The following MALRD1 variants were observed in gnomAD, a reference collection of about 807,000 sequenced individuals.
MALRD1 encodes MAM and LDL-receptor class A domain-containing protein 1.
In MALRD1, 247 loss-of-function variants were observed where a neutral mutation model predicts 242.1. That is an observed-to-expected ratio of 1.02 (90% confidence interval 0.92 to 1.13). The LOEUF (loss-of-function observed/expected upper bound fraction) is 1.13, where lower values mean the gene tolerates loss of function less well. MALRD1 is among the 50% of genes most tolerant of loss of function. The probability of loss-of-function intolerance (pLI) is 0.00; values close to 1 mark genes in which losing one functional copy is unlikely to be tolerated. For synonymous variants in MALRD1, 995 were observed against 866.6 expected (o/e 1.15, Z -2.60); for missense variants, 2,989 against 2,533.1 (o/e 1.18, Z -3.86).
chr10:19,680,556 A>G (rs1206346371), intron 36 of MALRD1, among the ~76,000 whole-genome samples: 1 of 152,136 alleles, frequency 6.6e-6, no homozygotes, highest in Non-Finnish European at 1.5e-5. Flanking sequence ...GATCTCTTGA[A>G]TGCAGCACAC....
At chr10:19,294,742 C>T (rs947665512) in intron 21 of MALRD1, among the ~76,000 whole-genome samples, 3 of 152,030 alleles carry the variant, frequency 2.0e-5, no homozygotes, top group Non-Finnish European at 4.4e-5. Flanking sequence ...GGGTAAAAAC[C>T]ATACACTGTT....
At chr10:19,397,781 G>A (rs1008106609) in intron 28 of MALRD1, among the ~76,000 whole-genome samples, 1 of 151,986 alleles carries the variant, frequency 6.6e-6, no homozygotes, top group Admixed American at 6.6e-5. Context: ...TGAATTTGAG[G>A]TCTTATCCTA....
At position 19,284,687 on chromosome 10, in the gene MALRD1, T is replaced by C. The variant is rs1246185739; in HGVS notation, c.3419+1506T>C. Among the ~76,000 whole-genome samples, 947 of 123,298 alleles carry C rather than the reference T, an allele frequency of 7.7e-3. 20 individuals carry two copies. The highest frequency in any genetic ancestry group is 9.5e-3 in the Non-Finnish European group (575 of 60,430). 80.9% of individuals were successfully genotyped at this position (123,298 alleles called of 152,430 possible). ...TTGGGTTGGTTCCAAGTCTTTGCTA[T>C]TGTGAATAATGCCGCAATAAACATA... On this transcript the variant is annotated intron_variant, in intron 21 of 39. Transcript: ENST00000454679.
intron 36 of MALRD1, among the ~76,000 whole-genome samples, chr10:19,643,467 T>C (rs1451550998): frequency 2.0e-5 from 3 of 152,106 alleles, no homozygotes; most frequent in African/African-American, 7.2e-5. Context: ...GTTTAAGCAT[T>C]CATGAATAAG....
At chr10:19,096,385 A>G (rs774954956) in intron 4 of MALRD1, among the ~76,000 whole-genome samples, 18 of 152,190 alleles carry the variant, frequency 1.2e-4, no homozygotes, top group Non-Finnish European at 2.5e-4. Context: ...TACGTGTGCA[A>G]TATATTAATT....
Position 19,146,408 on chromosome 10 carries a change from C to T in MALRD1, c.1558+64C>T, listed in dbSNP as rs1015923516. On this transcript the variant is annotated intron_variant, in intron 11 of 39. Transcript: ENST00000454679. ...TCTTGCATGTTGTGGAATGATGATACTGTGTATTTTCATTTCTATTCTGTA... is the reference window on the plus strand; with the variant it reads ...TCTTGCATGTTGTGGAATGATGATATTGTGTATTTTCATTTCTATTCTGTA... The T allele has an allele frequency of 1.2e-5, 14 of 1,177,550 alleles. No individual in the cohort carries two copies. The Admixed American group carries it at 4.2e-4, about 36-fold the overall frequency. 72.9% of individuals were successfully genotyped at this position (1,177,550 alleles called of 1,614,324 possible). A position where few individuals can be genotyped will look rare whatever the true frequency, so the allele number is the denominator to read the frequency against.
intron 28 of MALRD1, among the ~76,000 whole-genome samples, chr10:19,396,554 A>G (rs1016116447): frequency 3.3e-5 from 5 of 152,214 alleles, no homozygotes; most frequent in African/African-American, 1.2e-4. Flanking sequence ...ATGAAGACCC[A>G]TGTCACATAA....
At chr10:19,536,245 T>C (rs1834667707) in intron 32 of MALRD1, among the ~76,000 whole-genome samples, 1 of 152,194 alleles carries the variant, frequency 6.6e-6, no homozygotes, top group Admixed American at 6.5e-5. Context: ...TATTTTGGAT[T>C]GAGTCTCTAA....
At chr10:19,094,249 G>A (rs1338017277) in intron 4 of MALRD1, among the ~76,000 whole-genome samples, 1 of 99,930 alleles carries the variant, frequency 1.0e-5, no homozygotes, top group Non-Finnish European at 2.0e-5. Context: ...GCGAGATTCC[G>A]TGGGCATAGG....
chr10:19,581,455 T>G (rs1324883440), intron 33 of MALRD1, among the ~76,000 whole-genome samples: 2 of 150,284 alleles, frequency 1.3e-5, no homozygotes, highest in Non-Finnish European at 3.0e-5. Flanking sequence ...CACCTATGAA[T>G]GAGAATATGT....
At chr10:19,330,469 G>A (rs559079968) in intron 23 of MALRD1, among the ~76,000 whole-genome samples, 28 of 152,088 alleles carry the variant, frequency 1.8e-4, no homozygotes, top group East Asian at 5.8e-4. Context: ...AACTGTCCTT[G>A]TTAACTCGCC....
At position 19,098,254 on chromosome 10, in the gene MALRD1, G is replaced by C. The variant is rs114854162; in HGVS notation, c.598-5725G>C. Among the ~76,000 whole-genome samples the C allele has an allele frequency of 5.5e-3, 840 of 152,214 alleles. 5 individuals carry two copies. The highest frequency in any genetic ancestry group is 0.019 in the African/African-American group (808 of 41,534). ...AATTTTCACGTTGAATGTCTGGATT[G>C]TTAAACTAAATGAACAATCAGTGCC... On this transcript the variant is annotated intron_variant, in intron 4 of 39. Coordinates refer to ENST00000454679, the MANE Select transcript of MALRD1 (RefSeq NM_001142308.3).
chr10:19,410,806 T>C (rs1054725798), intron 28 of MALRD1, among the ~76,000 whole-genome samples: 7 of 152,082 alleles, frequency 4.6e-5, no homozygotes, highest in African/African-American at 1.7e-4. Flanking sequence ...ATTTAGCTTA[T>C]TGGATAGTGC....
chr10:19,619,128 T>G (rs534666794), intron 36 of MALRD1, among the ~76,000 whole-genome samples: 53 of 152,246 alleles, frequency 3.5e-4, no homozygotes, highest in Non-Finnish European at 5.6e-4. Flanking sequence ...AAGACCAGTT[T>G]TCTGGACAGC....
intron 36 of MALRD1, among the ~76,000 whole-genome samples, chr10:19,649,680 G>T (rs57560290): frequency 0.028 from 4,321 of 152,202 alleles, 182 homozygotes; most frequent in African/African-American, 0.097. Context: ...TTTGTGGGTT[G>T]TCTGTTTACT....
intron 1 of MALRD1, among the ~76,000 whole-genome samples, chr10:19,065,287 C>CAAAAAAAAAAAAAAAAAAAAAAAAAAA (rs1197670439): frequency 4.0e-5 from 2 of 50,624 alleles, no homozygotes; most frequent in Non-Finnish European, 3.3e-5. Flanking sequence ...AACGCTGTCT[C>CAAAAAAAAAAAAAAAAAAAAAAAAAAA]AAAAAAAAAA....
chr10:19,107,009 AC>A (rs1405726529), intron 5 of MALRD1, among the ~76,000 whole-genome samples: 1 of 151,970 alleles, frequency 6.6e-6, no homozygotes, highest in Non-Finnish European at 1.5e-5. Flanking sequence ...TATGATTCTG[AC>A]TTTTAAAAAA....
At chr10:19,454,728 A>ACACG (rs1835550097) in intron 29 of MALRD1, among the ~76,000 whole-genome samples, 1 of 149,576 alleles carries the variant, frequency 6.7e-6, no homozygotes, top group Admixed American at 6.7e-5. Flanking sequence ...ACACACACAC[A>ACACG]CACACACACA....
rs901136495 is a variant in MALRD1 at position 19,204,460 on chromosome 10, G to C, written c.2210+47G>C. On this transcript the variant is annotated intron_variant, in intron 16 of 39. Transcript: ENST00000454679. The stretch of plus-strand genomic sequence containing the variant: ...AAACAATATTAAACAGTTCACCCTG[G>C]TGGTGAAGTGTTTGCAGGCATACCT... 1.0e-5 allele frequency: 13 copies of C among 1,286,678 alleles called. No individual in the cohort carries two copies. In the African/African-American group the frequency reaches 1.5e-4, roughly 15 times the overall value. The allele number at this position is 1,286,678 out of a possible 1,614,324, so 79.7% of individuals were successfully genotyped here. A position where few individuals can be genotyped will look rare whatever the true frequency, so the allele number is the denominator to read the frequency against.
Sources: allele counts gnomAD v4.1 joint callset (sites outside exome capture counted in the v4.1 genomes callset), GRCh38; gene constraint gnomAD v4.1.1; transcripts MANE v1.5; gene names NCBI Gene and HGNC (gene_info 2026-07-23, HGNC 2026-07-21).